Variants in TP73 observed in about 807,000 individuals in gnomAD.
TP73 encodes the protein p53-like transcription factor.
TP73 carries 25 observed loss-of-function variants against 62.5 expected under a neutral mutation model. That is an observed-to-expected ratio of 0.40 (90% CI 0.29 to 0.56). The LOEUF is 0.56. Among genes scored for constraint, TP73 ranks in the 20% least tolerant of loss-of-function variants. The probability of loss-of-function intolerance (pLI) is 0.46; values close to 1 mark genes in which losing one functional copy is unlikely to be tolerated. For synonymous variants in TP73, 423 were observed against 377.5 expected (o/e 1.12, Z -1.40); for missense variants, 754 against 913.3 (o/e 0.83, Z 2.25).
At position 3,734,937 on chromosome 1, in the gene TP73, G is replaced by A. The variant is rs1188441023; in HGVS notation, c.*1858G>A. ...TTCCAGCTGAAGGGCAGGAAGCTCT[G>A]GCCGCTTAGCTTCTAGGGTTCCATC... On this transcript the variant is annotated 3_prime_UTR_variant, in exon 14 of 14. Transcript: ENST00000378295. This position sits in a 1 kb window ranked among gnomAD's most constrained non-coding sequence, Gnocchi z 4.4. 1 of 152,204 alleles carries A rather than the reference G, an allele frequency of 6.6e-6. No homozygotes were observed. The highest frequency in any genetic ancestry group is 6.5e-5 in the Admixed American group (1 of 15,288). 9.4% of individuals were successfully genotyped at this position (152,204 alleles called of 1,614,324 possible). A position where few individuals can be genotyped will look rare whatever the true frequency, so the allele number is the denominator to read the frequency against.
At chr1:3,718,190 C>G (rs1163089047) in intron 4 of TP73, among the ~76,000 whole-genome samples, 1 of 152,202 alleles carries the variant, frequency 6.6e-6, no homozygotes, top group Non-Finnish European at 1.5e-5. Flanking sequence ...GGACAGCTCC[C>G]GGCGCGCCCA....
intron 1 of TP73, among the ~76,000 whole-genome samples, chr1:3,670,000 C>G (rs1003185352): frequency 6.6e-6 from 1 of 152,086 alleles, no homozygotes; most frequent in Non-Finnish European, 1.5e-5. Context: ...CTCCCTGAAG[C>G]CTTGGGGGAA....
chr1:3,664,232 A>T (rs2102022054), intron 1 of TP73, among the ~76,000 whole-genome samples: 1 of 152,314 alleles, frequency 6.6e-6, no homozygotes, highest in East Asian at 1.9e-4. Flanking sequence ...CACCCAGCCC[A>T]GGGTGTGTCC....
At chr1:3,665,617 A>G (rs1457823938) in intron 1 of TP73, among the ~76,000 whole-genome samples, 1 of 151,612 alleles carries the variant, frequency 6.6e-6, no homozygotes, top group Non-Finnish European at 1.5e-5. Flanking sequence ...TTGAAGTTTC[A>G]TAACTCTGAC....
intron 3 of TP73, among the ~76,000 whole-genome samples, chr1:3,687,450 CG>C (rs1645689171): frequency 6.6e-6 from 1 of 152,154 alleles, no homozygotes; most frequent in Non-Finnish European, 1.5e-5. Flanking sequence ...GATGGTGGGG[CG>C]GGGGTCCTAT....
intron 4 of TP73, among the ~76,000 whole-genome samples, chr1:3,720,358 A>T (rs960890860): frequency 7.2e-5 from 11 of 152,176 alleles, no homozygotes; most frequent in African/African-American, 2.7e-4. Flanking sequence ...AGGCAGGGGC[A>T]GTGGAGCCAC....
chr1:3,654,982 G>C (rs1644835117), intron 1 of TP73, among the ~76,000 whole-genome samples: 1 of 152,240 alleles, frequency 6.6e-6, no homozygotes. Flanking sequence ...ACCCGGACGA[G>C]GCCCTGCCCT....
chr1:3,693,766 A>C (rs1306501875), intron 3 of TP73, among the ~76,000 whole-genome samples: 1 of 125,176 alleles, frequency 8.0e-6, no homozygotes, highest in Non-Finnish European at 1.7e-5. Context: ...CCACAATCCC[A>C]CCCATGCAGC....
rs759633146 is a variant in TP73, at chr1:3,732,761, G to A, written c.1593G>A (p.Leu531=). The A allele has an allele frequency of 3.2e-6, 5 of 1,576,070 alleles. No homozygotes were observed. The highest frequency in any genetic ancestry group is 2.7e-5 in the African/African-American group (2 of 74,142). The change falls in exon 14 of 14, where the codon CTG becomes CTA. Residue 531 remains leucine (L), a synonymous_variant. Transcript: ENST00000378295. The part of the protein sequence containing the change: ...QNLTIEDLGA[L]KIPEQYRMTI... ...GCCTCTCGCAGGACCTGGGGGCCCTGAAGATCCCCGAGCAGTACCGCATGA... is the reference window on the plus strand; with the variant it reads ...GCCTCTCGCAGGACCTGGGGGCCCTAAAGATCCCCGAGCAGTACCGCATGA...
chr1:3,719,704 T>C (rs961877302), intron 4 of TP73, among the ~76,000 whole-genome samples: 1 of 152,112 alleles, frequency 6.6e-6, no homozygotes, highest in Non-Finnish European at 1.5e-5. Context: ...AAAGGGGGCA[T>C]TTGTAATGGT....
At chr1:3,695,061 G>C (rs978842905) in intron 3 of TP73, among the ~76,000 whole-genome samples, 1 of 152,186 alleles carries the variant, frequency 6.6e-6, no homozygotes, top group African/African-American at 2.4e-5. Context: ...TCCTGTGGTG[G>C]CTCTGGCCAA....
intron 1 of TP73, among the ~76,000 whole-genome samples, chr1:3,664,526 C>T (rs999344509): frequency 9.8e-5 from 15 of 152,338 alleles, no homozygotes; most frequent in African/African-American, 3.1e-4. Context: ...TTCCTGTGAT[C>T]TTAGCAATGA....
chr1:3,668,649 T>C (rs1427324096), intron 1 of TP73: 1 of 152,076 alleles, frequency 6.6e-6, no homozygotes, highest in Non-Finnish European at 1.5e-5. Flanking sequence ...TACTGGTGTA[T>C]TACGGATGAG....
chr1:3,686,659 T>C (rs555259358), intron 3 of TP73, among the ~76,000 whole-genome samples: 116 of 152,272 alleles, frequency 7.6e-4, no homozygotes, highest in African/African-American at 2.6e-3. Flanking sequence ...GGGGAGACTG[T>C]GAGCTCTGTG....
chr1:3,723,708 G>A (rs1048736805), intron 6 of TP73, among the ~76,000 whole-genome samples: 2 of 152,200 alleles, frequency 1.3e-5, no homozygotes, highest in South Asian at 2.1e-4. Flanking sequence ...GGGCACTCTC[G>A]GGGCCTCAGT....
chr1:3,732,188 C>A (rs528915992), intron 13 of TP73, among the ~76,000 whole-genome samples: 1 of 152,350 alleles, frequency 6.6e-6, no homozygotes, highest in African/African-American at 2.4e-5. Flanking sequence ...CAAGGCCCGT[C>A]CCAGACCATC....
At chr1:3,676,418 C>G (rs987305097) in intron 1 of TP73, among the ~76,000 whole-genome samples, 1 of 87,878 alleles carries the variant, frequency 1.1e-5, no homozygotes, top group Non-Finnish European at 2.2e-5. Flanking sequence ...GACAGGGAGA[C>G]AGGGGGACAG....
chr1:3,678,782 T>C (rs1216690765), intron 1 of TP73, among the ~76,000 whole-genome samples: 2 of 151,848 alleles, frequency 1.3e-5, no homozygotes, highest in East Asian at 2.0e-4. Flanking sequence ...GGCAGATTCC[T>C]GGGCCCTGCC....
chr1:3,679,201 T>C (rs566051327), intron 1 of TP73, among the ~76,000 whole-genome samples: 4 of 152,132 alleles, frequency 2.6e-5, no homozygotes, highest in Admixed American at 2.6e-4. Flanking sequence ...GAAGAGAGGG[T>C]GTCGCTTCAG....
Sources: gnomAD v4.1 joint callset for allele counts (sites outside exome capture counted in the v4.1 genomes callset) on GRCh38, gnomAD v4.1.1 for gene constraint, Gnocchi (gnomAD v3.1) non-coding constraint, MANE v1.5 for transcripts, NCBI Gene and HGNC (gene_info 2026-07-23, HGNC 2026-07-21) for gene names.